The following WDSUB1 variants were observed in gnomAD, a reference collection of about 807,000 sequenced individuals.
WDSUB1 encodes WD repeat, SAM and U-box domain-containing protein 1.
Under a neutral mutation model 53.9 loss-of-function variants are expected in WDSUB1, and 49 were observed. The observed-to-expected ratio is 0.91, with a 90% confidence interval of 0.72 to 1.15. WDSUB1 has a LOEUF of 1.15. Among genes scored for constraint, WDSUB1 ranks in the 50% most tolerant of loss-of-function variants. The probability of loss-of-function intolerance (pLI) is 0.00; values close to 1 mark genes in which losing one functional copy is unlikely to be tolerated. For missense variants in WDSUB1, 514 were observed against 562.0 expected (o/e 0.91, Z 0.86); for synonymous variants, 194 against 200.6 (o/e 0.97, Z 0.28).
At chr2:159,263,776 C>A (rs540533746) in intron 5 of WDSUB1, among the ~76,000 whole-genome samples, 1 of 152,208 alleles carries the variant, frequency 6.6e-6, no homozygotes, top group East Asian at 1.9e-4. Context: ...TAGCTCAATT[C>A]AGAAAAATGG....
intron 5 of WDSUB1, among the ~76,000 whole-genome samples, chr2:159,263,704 TGAATGAAAATAAGTTTCAAA>T (rs1177470545): frequency 6.6e-6 from 1 of 152,186 alleles, no homozygotes; most frequent in Non-Finnish European, 1.5e-5. Context: ...CAACTCTTCC[TGAATGAAAATAAGTTTCAAA>T]GAGCTGTTCT....
rs548179925 is a variant in WDSUB1, at chr2:159,236,192, T to TA, written c.1274-3dup. Reference sequence around the variant, plus strand: ...CTTCCTTTTCATATGAATAGCCATCTAAAAAAAAAAAATCACACAAATTAC... The same window carrying TA: ...CTTCCTTTTCATATGAATAGCCATCTAAAAAAAAAAAAATCACACAAATTAC... On this transcript the variant is annotated splice_polypyrimidine_tract_variant and splice_region_variant and intron_variant, in intron 10 of 10. Coordinates refer to ENST00000359774, the MANE Select transcript of WDSUB1 (RefSeq NM_001128212.3). 0.054 allele frequency: 64,032 copies of TA among 1,176,416 alleles called. 284 individuals carry two copies. The highest frequency in any genetic ancestry group is 0.11 in the South Asian group (7,108 of 65,368). 72.9% of individuals were successfully genotyped at this position (1,176,416 alleles called of 1,614,324 possible). A position where few individuals can be genotyped will look rare whatever the true frequency, so the allele number is the denominator to read the frequency against.
intron 2 of WDSUB1, 139 bp downstream of exon 2, chr2:159,282,533 C>T (rs1279368675): frequency 1.0e-6 from 1 of 1,001,186 alleles, no homozygotes; most frequent in Non-Finnish European, 1.4e-6. Context: ...AAACTATTGG[C>T]TTCCTAGGGT....
At chr2:159,259,355 G>A (rs2061141778) in intron 6 of WDSUB1, among the ~76,000 whole-genome samples, 1 of 152,086 alleles carries the variant, frequency 6.6e-6, no homozygotes, top group East Asian at 1.9e-4. Flanking sequence ...ACATGGATCA[G>A]TAAAAAACTC....
At chr2:159,259,972 C>A in intron 5 of WDSUB1, 129 bp from the exon 6 acceptor site, 1 of 1,043,510 alleles carries the variant, frequency 9.6e-7, no homozygotes. Context: ...ATTTAGAATG[C>A]AATCCTTTTG....
intron 9 of WDSUB1, among the ~76,000 whole-genome samples, chr2:159,249,414 T>C (rs2060896069): frequency 6.6e-6 from 1 of 152,206 alleles, no homozygotes; most frequent in Non-Finnish European, 1.5e-5. Context: ...TTAGAACTAG[T>C]TGACAGTTCT....
intron 1 of WDSUB1, among the ~76,000 whole-genome samples, chr2:159,284,050 G>A (rs2061734594): frequency 6.6e-6 from 1 of 152,148 alleles, no homozygotes; most frequent in Non-Finnish European, 1.5e-5. Flanking sequence ...GGCCTCAAGT[G>A]ATCCGCCCAC....
intron 6 of WDSUB1, among the ~76,000 whole-genome samples, chr2:159,258,449 A>T (rs2061117413): frequency 6.6e-6 from 1 of 152,242 alleles, no homozygotes. Flanking sequence ...ACTTGAGCTC[A>T]GGAGTTTGAG....
At chr2:159,237,168 A>G (rs1193078759) in intron 10 of WDSUB1, among the ~76,000 whole-genome samples, 1 of 152,238 alleles carries the variant, frequency 6.6e-6, no homozygotes, top group Non-Finnish European at 1.5e-5. Flanking sequence ...TTCCGTCATC[A>G]AGGACTAGAG....
intron 9 of WDSUB1, among the ~76,000 whole-genome samples, chr2:159,252,833 T>C (rs1435012888): frequency 6.6e-6 from 1 of 152,246 alleles, no homozygotes; most frequent in African/African-American, 2.4e-5. Flanking sequence ...TGTGCTTTTA[T>C]GATTTCTTGG....
chr2:159,255,252 G>A (rs962097792), intron 9 of WDSUB1, among the ~76,000 whole-genome samples: 3 of 152,116 alleles, frequency 2.0e-5, no homozygotes, highest in African/African-American at 7.2e-5. Context: ...CGGATCACAA[G>A]GTCAGGAGAT....
rs748414770 is a variant in WDSUB1 at position 159,236,023 on chromosome 2, A to G, written c.*10T>C. The stretch of plus-strand genomic sequence containing the variant: ...TCACTGAAAATATAAATAATACAAT[A>G]TCAACAATTTTACTTTTGGTGTGTC... On this transcript the variant is annotated 3_prime_UTR_variant, in exon 11 of 11. Transcript: ENST00000359774. 1.9e-6 allele frequency: 3 copies of G among 1,587,842 alleles called. No individual in the cohort carries two copies. In the African/African-American group the frequency reaches 4.1e-5, roughly 22 times the overall value.
rs149418563 is a variant in WDSUB1, at chr2:159,272,464, T to C, written c.677-669A>G. On this transcript the variant is annotated intron_variant, in intron 4 of 10. Coordinates refer to ENST00000359774, the MANE Select transcript of WDSUB1 (RefSeq NM_001128212.3). Reference sequence around the variant, plus strand: ...TAGAGTCGGGGGATTTGTCAAATTATGCTGGCAAGCAGAAAGGAGCAAACA... The same window carrying C: ...TAGAGTCGGGGGATTTGTCAAATTACGCTGGCAAGCAGAAAGGAGCAAACA... 2.0e-5 allele frequency among the ~76,000 whole-genome samples: 3 copies of C among 152,296 alleles called. No homozygotes were observed. The East Asian group carries it at 5.8e-4, about 29-fold the overall frequency.
At chr2:159,253,259 A>C (rs1163014357) in intron 9 of WDSUB1, among the ~76,000 whole-genome samples, 1 of 152,218 alleles carries the variant, frequency 6.6e-6, no homozygotes, top group Non-Finnish European at 1.5e-5. Flanking sequence ...TCTCAACATC[A>C]AGGATCTCTT....
At chr2:159,236,639 G>A (rs181562976) in intron 10 of WDSUB1, among the ~76,000 whole-genome samples, 6 of 151,014 alleles carry the variant, frequency 4.0e-5, no homozygotes, top group East Asian at 2.0e-4. Flanking sequence ...ATTTGACAGC[G>A]AAGGGACTTA....
chr2:159,270,758 C>T (rs1035859983), intron 5 of WDSUB1, among the ~76,000 whole-genome samples: 7 of 152,050 alleles, frequency 4.6e-5, no homozygotes, highest in Non-Finnish European at 7.4e-5. Context: ...GCTGACTACA[C>T]TAAAATTATA....
At chr2:159,259,071 T>C (rs2061134396) in intron 6 of WDSUB1, among the ~76,000 whole-genome samples, 1 of 147,132 alleles carries the variant, frequency 6.8e-6, no homozygotes. Flanking sequence ...TTGCCCAGGC[T>C]GGAGTGCAGT....
chr2:159,270,886 A>G (rs2061431885), intron 5 of WDSUB1, among the ~76,000 whole-genome samples: 1 of 152,124 alleles, frequency 6.6e-6, no homozygotes, highest in Non-Finnish European at 1.5e-5. Flanking sequence ...TCAGTAAGAA[A>G]AAGATAACCT....
chr2:159,268,174 T>C (rs1408312257), intron 5 of WDSUB1, among the ~76,000 whole-genome samples: 3 of 152,232 alleles, frequency 2.0e-5, no homozygotes, highest in Admixed American at 1.3e-4. Flanking sequence ...CTTGCAGTGT[T>C]ATTAGTTCAT....
Sources: gnomAD v4.1 joint callset for allele counts (sites outside exome capture counted in the v4.1 genomes callset) on GRCh38, gnomAD v4.1.1 for gene constraint, MANE v1.5 for transcripts, NCBI Gene and HGNC (gene_info 2026-07-23, HGNC 2026-07-21) for gene names.